Variants in MYO16 observed in about 807,000 individuals in gnomAD.
The protein encoded by MYO16 is unconventional myosin-XVI.
In MYO16, 94 loss-of-function variants were observed where a neutral mutation model predicts 205.3. The ratio of observed to expected loss-of-function variants is 0.46; its 90% CI spans 0.39 to 0.54. The LOEUF (loss-of-function observed/expected upper bound fraction) is 0.54. Among genes scored for constraint, MYO16 ranks in the 20% least tolerant of loss-of-function variants. The pLI is 0.00. For missense variants in MYO16, 2,315 were observed against 2,387.5 expected, an observed-to-expected ratio of 0.97 and a Z score of 0.63; for synonymous variants, 988 against 954.0, an observed-to-expected ratio of 1.04 and a Z score of -0.66.
rs757359882 is a variant in MYO16 at position 108,992,398 on chromosome 13, A to G, written c.2392A>G (p.Ile798Val). 6.2e-7 allele frequency: 1 copy of G among 1,610,080 alleles called. No homozygotes were observed. Among genetic ancestry groups the G allele is most frequent in the South Asian group, 1.1e-5 (1 of 90,892 alleles). Residue 798 changes from isoleucine to valine, a missense_variant, in exon 21 of 35, where the codon ATA becomes GTA. Coordinates refer to ENST00000457511, the MANE Select transcript of MYO16 (RefSeq NM_001198950.3). ...QKSMQTLDIG[I>V]LDIFGFEEFQ... ...CAGCATGCAGACATTGGATATTGGA[A>G]TATTGGACATTTTTGGTTTTGAAGA... is the stretch of plus-strand genomic sequence containing the variant.
intron 32 of MYO16, among the ~76,000 whole-genome samples, chr13:109,161,041 A>G (rs1480251807): frequency 6.6e-6 from 1 of 152,182 alleles, no homozygotes; most frequent in Non-Finnish European, 1.5e-5. Context: ...AAGTCAGGGC[A>G]CGGCTGCTTT....
chr13:108,727,383 A>C, intron 3 of MYO16, 57 bp from the exon 4 acceptor site: 1 of 1,555,028 alleles, frequency 6.4e-7, no homozygotes, highest in South Asian at 1.2e-5. Flanking sequence ...GGACATTTGG[A>C]ATAAGCCATA....
chr13:108,995,546 G>A (rs765636487), intron 21 of MYO16, among the ~76,000 whole-genome samples: 19 of 151,982 alleles, frequency 1.3e-4, no homozygotes, highest in Non-Finnish European at 2.4e-4. Flanking sequence ...CCATCAACTC[G>A]TCATTTAACA....
rs544318811 is a variant in MYO16, at chr13:108,830,736, G to T, written c.1097+7458G>T. Among the ~76,000 whole-genome samples the T allele has an allele frequency of 2.2e-3, 330 of 151,932 alleles. 4 individuals carry two copies. The highest frequency in any genetic ancestry group is 7.3e-3 in the African/African-American group (304 of 41,456). ...GTAACTAACCGGCCCATTGTGCACAGGTACCCTAAAACTTAAAGTATAATA... is the reference window on the plus strand; with the variant it reads ...GTAACTAACCGGCCCATTGTGCACATGTACCCTAAAACTTAAAGTATAATA... On this transcript the variant is annotated intron_variant, in intron 9 of 34. Transcript: ENST00000457511.
At chr13:108,666,708 A>G (rs934443679) in intron 2 of MYO16, among the ~76,000 whole-genome samples, 1 of 152,196 alleles carries the variant, frequency 6.6e-6, no homozygotes, top group African/African-American at 2.4e-5. Flanking sequence ...CTCAGGAGTC[A>G]ATTTCTTTTC....
chr13:108,834,392 G>A (rs1267701704), intron 9 of MYO16, among the ~76,000 whole-genome samples: 2 of 152,140 alleles, frequency 1.3e-5, no homozygotes, highest in African/African-American at 2.4e-5. Context: ...TTCCTGGGTT[G>A]TAAAACTGGC....
chr13:108,810,583 G>A (rs1477679985), intron 7 of MYO16, among the ~76,000 whole-genome samples: 2 of 152,130 alleles, frequency 1.3e-5, no homozygotes, highest in African/African-American at 4.8e-5. Context: ...TCAAAAAGAT[G>A]TCATTTAGTA....
rs747271568 is a variant in MYO16 at position 108,910,144 on chromosome 13, C to T, written c.1919C>T (p.Ala640Val). ...GGACTTCATCTTAATAATTTATGTG[C>T]ACACCGGTGAGTGACTAAGTATTTT... ...KYGLHLNNLC[A>V]HRYLNQTIQD... is the part of the protein sequence containing the mutation. Residue 640 changes from alanine to valine, a missense_variant, in exon 16 of 35, where the codon GCA becomes GTA. Transcript: ENST00000457511. The T allele has an allele frequency of 6.2e-7, 1 of 1,612,286 alleles. No individual in the cohort carries two copies. Among genetic ancestry groups the T allele is most frequent in the Non-Finnish European group, 8.5e-7 (1 of 1,178,940 alleles).
chr13:109,165,440 T>G (rs1181924260), intron 33 of MYO16, among the ~76,000 whole-genome samples: 1 of 152,208 alleles, frequency 6.6e-6, no homozygotes, highest in Non-Finnish European at 1.5e-5. Context: ...CAGACTGGCT[T>G]CAGGTATTTT....
chr13:109,077,705 A>G (rs1477223358), intron 27 of MYO16, among the ~76,000 whole-genome samples: 1 of 152,126 alleles, frequency 6.6e-6, no homozygotes, highest in Non-Finnish European at 1.5e-5. Context: ...GTATGTCTTT[A>G]TTTCCATATG....
At chr13:108,999,425 T>G (rs1464243083) in intron 21 of MYO16, among the ~76,000 whole-genome samples, 1 of 152,168 alleles carries the variant, frequency 6.6e-6, no homozygotes, top group Non-Finnish European at 1.5e-5. Context: ...GGAAATGCAT[T>G]TATTTTCGCT....
intron 21 of MYO16, among the ~76,000 whole-genome samples, chr13:109,008,250 G>A (rs1333075113): frequency 6.6e-6 from 1 of 152,172 alleles, no homozygotes; most frequent in African/African-American, 2.4e-5. Context: ...TTCCCAATCT[G>A]AAACTGTGTC....
chr13:109,030,172 A>AAG (rs1434955492), intron 23 of MYO16, among the ~76,000 whole-genome samples: 1 of 151,614 alleles, frequency 6.6e-6, no homozygotes, highest in Non-Finnish European at 1.5e-5. Flanking sequence ...GGAAAGCAAA[A>AAG]AAAAAAAACT....
At chr13:108,967,673 C>T (rs1306104065) in intron 20 of MYO16, among the ~76,000 whole-genome samples, 7 of 152,108 alleles carry the variant, frequency 4.6e-5, no homozygotes, top group African/African-American at 1.7e-4. Context: ...TTGGTCCAAA[C>T]AGGTAAAATA....
Position 108,884,085 on chromosome 13 carries a change from G to C in MYO16, c.1553+899G>C, listed in dbSNP as rs144149827. On this transcript the variant is annotated intron_variant, in intron 13 of 34. Coordinates refer to ENST00000457511, the MANE Select transcript of MYO16 (RefSeq NM_001198950.3). ...GAAAGCTCTATAAATACTCACTCAC[G>C]GTAGCGCCTTAGTTGTTGTCAGTAG... is the stretch of plus-strand genomic sequence containing the variant. Among the ~76,000 whole-genome samples the C allele has an allele frequency of 2.8e-3, 431 of 152,214 alleles. 2 individuals are homozygous for C. Among genetic ancestry groups the C allele is most frequent in the African/African-American group, 9.2e-3 (383 of 41,524 alleles).
intron 1 of MYO16, among the ~76,000 whole-genome samples, chr13:108,635,749 C>A (rs750009482): frequency 6.6e-6 from 1 of 152,202 alleles, no homozygotes; most frequent in Non-Finnish European, 1.5e-5. Context: ...ATCCACCCGC[C>A]TCAGCCTCCC....
At chr13:108,832,988 A>G (rs1470067104) in intron 9 of MYO16, among the ~76,000 whole-genome samples, 1 of 152,164 alleles carries the variant, frequency 6.6e-6, no homozygotes, top group African/African-American at 2.4e-5. Context: ...GGACAGAATG[A>G]TACATTCAGG....
chr13:109,111,367 A>G (rs889303347), intron 28 of MYO16, among the ~76,000 whole-genome samples: 7 of 152,204 alleles, frequency 4.6e-5, no homozygotes, highest in African/African-American at 1.7e-4. Flanking sequence ...TCATATCACC[A>G]TCAATAAAGC....
At chr13:108,618,244 T>C (rs1345718405) in intron 1 of MYO16, among the ~76,000 whole-genome samples, 1 of 152,154 alleles carries the variant, frequency 6.6e-6, no homozygotes, top group Non-Finnish European at 1.5e-5. Context: ...TGGTCTTCAT[T>C]TTTCAGGTCA....
Sources: allele counts gnomAD v4.1 joint callset (sites outside exome capture counted in the v4.1 genomes callset), GRCh38; gene constraint gnomAD v4.1.1; transcripts MANE v1.5; gene names NCBI Gene and HGNC (gene_info 2026-07-23, HGNC 2026-07-21).